Variants in VPS50 observed in about 807,000 individuals in gnomAD.
VPS50 encodes the protein VPS50 subunit of EARP/GARPII complex, also known as syndetin.
VPS50 carries 70 observed loss-of-function variants against 139.7 expected under a neutral mutation model. That is an observed-to-expected ratio of 0.50 (90% CI 0.41 to 0.61). VPS50 has a LOEUF of 0.61. Among genes scored for constraint, VPS50 ranks in the 20% least tolerant of loss-of-function variants. The probability of loss-of-function intolerance (pLI) is 0.00; values close to 1 mark genes in which losing one functional copy is unlikely to be tolerated. For missense variants in VPS50, 921 were observed against 1,133.7 expected, an observed-to-expected ratio of 0.81 and a Z score of 2.69; for synonymous variants, 365 against 376.7, an observed-to-expected ratio of 0.97 and a Z score of 0.36.
At chr7:93,351,363 C>CT (rs559578639) in intron 25 of VPS50, among the ~76,000 whole-genome samples, 217 of 148,620 alleles carry the variant, frequency 1.5e-3, no homozygotes, top group Middle Eastern at 7.0e-3. Flanking sequence ...GATACCCCTT[C>CT]TTTTTTTTTT....
At chr7:93,291,043 C>T (rs1353526910) in intron 12 of VPS50, among the ~76,000 whole-genome samples, 1 of 151,996 alleles carries the variant, frequency 6.6e-6, no homozygotes, top group South Asian at 2.1e-4. Flanking sequence ...TGCATTATGA[C>T]AAATGGGAAG....
chr7:93,249,039 T>G (rs1795237856), intron 2 of VPS50, among the ~76,000 whole-genome samples: 1 of 152,112 alleles, frequency 6.6e-6, no homozygotes, highest in South Asian at 2.1e-4. Flanking sequence ...ATTCCTTTCC[T>G]TAGTCCAGGT....
intron 12 of VPS50, among the ~76,000 whole-genome samples, chr7:93,277,593 G>A (rs1407761627): frequency 1.3e-5 from 2 of 152,146 alleles, no homozygotes; most frequent in Non-Finnish European, 2.9e-5. Flanking sequence ...TCCTGGAAGG[G>A]TGTGATTATA....
intron 25 of VPS50, among the ~76,000 whole-genome samples, chr7:93,351,853 G>A (rs552066047): frequency 1.3e-5 from 2 of 152,276 alleles, no homozygotes; most frequent in African/African-American, 2.4e-5. Context: ...CTGTGAGGAG[G>A]CTGCTTGTTT....
intron 2 of VPS50, chr7:93,246,067 G>C: frequency 7.2e-7 from 1 of 1,392,118 alleles, no homozygotes; most frequent in South Asian, 1.3e-5. Flanking sequence ...TTTAGATTTT[G>C]GTCACTAAAC....
chr7:93,341,255 A>T (rs1157382449), intron 22 of VPS50, among the ~76,000 whole-genome samples, 172 bp from the exon 23 acceptor site: 1 of 152,240 alleles, frequency 6.6e-6, no homozygotes, highest in African/African-American at 2.4e-5. Context: ...TTAGGATTAA[A>T]AAGAAGGTTC....
rs116627477 is a variant in VPS50, at chr7:93,277,481, A to T, written c.942+1176A>T. Among the ~76,000 whole-genome samples the T allele has an allele frequency of 9.7e-3, 1,474 of 152,268 alleles. 31 individuals are homozygous for T. The highest frequency in any genetic ancestry group is 0.034 in the African/African-American group (1,392 of 41,540). ...TAATTGTGTCCAGGAATTAGTGTAA[A>T]AATAAGTAATCTTCATCCTTCAATG... On this transcript the variant is annotated intron_variant, in intron 12 of 27. Coordinates refer to ENST00000305866, the MANE Select transcript of VPS50 (RefSeq NM_017667.4).
At chr7:93,256,939 G>A (rs1184707413) in intron 5 of VPS50, among the ~76,000 whole-genome samples, 1 of 152,034 alleles carries the variant, frequency 6.6e-6, no homozygotes, top group Non-Finnish European at 1.5e-5. Context: ...CTGAATCTGT[G>A]TTTTCATCGG....
intron 20 of VPS50, among the ~76,000 whole-genome samples, chr7:93,315,008 T>A (rs1797382997): frequency 6.6e-6 from 1 of 152,168 alleles, no homozygotes; most frequent in Non-Finnish European, 1.5e-5. Flanking sequence ...GCTGCAAGTC[T>A]CCTTCCTCAG....
intron 22 of VPS50, among the ~76,000 whole-genome samples, chr7:93,336,062 A>G (rs1191059196): frequency 6.6e-6 from 1 of 152,214 alleles, no homozygotes; most frequent in African/African-American, 2.4e-5. Flanking sequence ...TGCATTTACA[A>G]TGGCAGAGTA....
intron 2 of VPS50, among the ~76,000 whole-genome samples, chr7:93,249,212 T>G (rs1218363798): frequency 1.3e-5 from 2 of 152,162 alleles, no homozygotes; most frequent in Non-Finnish European, 2.9e-5. Flanking sequence ...GTTTTTGAAA[T>G]GTACACTTGT....
rs869184687 is a variant in VPS50, at chr7:93,240,247, ACACT to A, written c.102+315_102+318del. ...CACACACACACACACACACACACACACACTCTCTCTCTCTCTCTCTCTCATTGAT... is the reference window on the plus strand; with the variant it reads ...CACACACACACACACACACACACACACTCTCTCTCTCTCTCTCTCATTGAT... On this transcript the variant is annotated intron_variant, in intron 2 of 27. Transcript: ENST00000305866. Among the ~76,000 whole-genome samples the A allele has an allele frequency of 4.9e-3, 706 of 144,042 alleles. 3 individuals are homozygous for A. The highest frequency in any genetic ancestry group is 0.017 in the African/African-American group (623 of 36,576). 94.5% of individuals were successfully genotyped at this position (144,042 alleles called of 152,430 possible). A position where few individuals can be genotyped will look rare whatever the true frequency, so the allele number is the denominator to read the frequency against.
intron 2 of VPS50, among the ~76,000 whole-genome samples, chr7:93,250,625 T>C (rs1225330373): frequency 6.6e-6 from 1 of 152,114 alleles, no homozygotes; most frequent in Non-Finnish European, 1.5e-5. Context: ...ATTCAGGACA[T>C]AGGCATGGGC....
chr7:93,334,090 G>C (rs371905147), intron 21 of VPS50, 27 bp from the exon 22 acceptor site: 80 of 1,272,660 alleles, frequency 6.3e-5, no homozygotes, highest in Non-Finnish European at 8.2e-5. Context: ...TCTTTAGAAC[G>C]ATATAACAAG....
chr7:93,353,532 G>T (rs1289535552), intron 25 of VPS50, 108 bp from the exon 26 acceptor site: 7 of 1,215,968 alleles, frequency 5.8e-6, no homozygotes, highest in Non-Finnish European at 8.1e-6. Context: ...GATTTTACTT[G>T]GTTTGATTCT....
At chr7:93,344,008 T>C (rs1798308033) in intron 23 of VPS50, among the ~76,000 whole-genome samples, 1 of 152,170 alleles carries the variant, frequency 6.6e-6, no homozygotes, top group Non-Finnish European at 1.5e-5. Flanking sequence ...ATGGACTAAA[T>C]GCTCCAATTA....
chr7:93,276,286 A>G lies in VPS50; in HGVS notation c.923A>G (p.Gln308Arg). The G allele has an allele frequency of 6.2e-7, 1 of 1,613,400 alleles. No individual in the cohort carries two copies. The highest frequency in any genetic ancestry group is 1.7e-5 in the Admixed American group (1 of 59,960). ...ACAGACACAAAATTCCAAAAGCTGC[A>G]ATATAAGGATCTCTGTACAGTATGT... ...GNTDTKFQKL[Q>R]YKDLCTHVTP... The change falls in exon 12 of 28, where the codon CAA (glutamine) becomes CGA (arginine). Residue 308 changes from glutamine to arginine, a missense_variant. Gln to Arg is a conservative substitution (Grantham distance 43, BLOSUM62 1). Coordinates refer to ENST00000305866, the MANE Select transcript of VPS50 (RefSeq NM_017667.4).
chr7:93,306,020 G>T lies in VPS50; in HGVS notation c.1629+16G>T, dbSNP rs1226562454. 6.3e-7 allele frequency: 1 copy of T among 1,589,654 alleles called. No homozygotes were observed. Among genetic ancestry groups the T allele is most frequent in the Admixed American group, 1.7e-5 (1 of 57,670 alleles). On this transcript the variant is annotated intron_variant, in intron 18 of 27. Coordinates refer to ENST00000305866, the MANE Select transcript of VPS50 (RefSeq NM_017667.4). ...TTCTAATGGGGTATGTGGTGTATGT[G>T]AAACATAAGTGAGTTTTTTTTATTT...
Position 93,360,170 on chromosome 7 carries a change from G to A in VPS50, c.*1734G>A, listed in dbSNP as rs1003641150. 17 of 152,086 alleles carry A rather than the reference G, an allele frequency of 1.1e-4. No individual in the cohort carries two copies. Among genetic ancestry groups the A allele is most frequent in the African/African-American group, 4.1e-4 (17 of 41,512 alleles). 9.4% of individuals were successfully genotyped at this position (152,086 alleles called of 1,614,324 possible). A position where few individuals can be genotyped will look rare whatever the true frequency, so the allele number is the denominator to read the frequency against. Reference sequence around the variant, plus strand: ...GCTGCTTATTTTTCTCTTCTACATGGATTTTATAGTTGGTTTCCTTTAATT... The same window carrying A: ...GCTGCTTATTTTTCTCTTCTACATGAATTTTATAGTTGGTTTCCTTTAATT... On this transcript the variant is annotated 3_prime_UTR_variant, in exon 28 of 28. Transcript: ENST00000305866.
Sources: allele counts gnomAD v4.1 joint callset (sites outside exome capture counted in the v4.1 genomes callset), GRCh38; gene constraint gnomAD v4.1.1; transcripts MANE v1.5; gene names NCBI Gene and HGNC (gene_info 2026-07-23, HGNC 2026-07-21).